HEATR5A: variants seen among roughly 807,000 people sequenced by gnomAD.
HEATR5A encodes HEAT repeat containing 5A.
In HEATR5A, 178 loss-of-function variants were observed where a neutral mutation model predicts 218.8. The observed-to-expected ratio is 0.81, with a 90% CI of 0.72 to 0.92. HEATR5A has a LOEUF of 0.92. Among genes scored for constraint, HEATR5A ranks in the 40% least tolerant of loss-of-function variants. The pLI, the probability that HEATR5A is intolerant of heterozygous loss-of-function variation, is 0.00. For missense variants in HEATR5A, 2,420 were observed against 2,418.9 expected, an observed-to-expected ratio of 1.00 and a Z score of -0.01; for synonymous variants, 864 against 871.6, an observed-to-expected ratio of 0.99 and a Z score of 0.15.
chr14:31,388,467 G>A (rs2030321333), intron 7 of HEATR5A, among the ~76,000 whole-genome samples: 1 of 152,120 alleles, frequency 6.6e-6, no homozygotes, highest in Admixed American at 6.6e-5. Context: ...CACATAAAAT[G>A]TTTATTTCAC....
At chr14:31,404,731 T>C (rs941474061) in intron 1 of HEATR5A, among the ~76,000 whole-genome samples, 3 of 151,458 alleles carry the variant, frequency 2.0e-5, no homozygotes, top group Non-Finnish European at 4.4e-5. Context: ...CTGGGTAACA[T>C]AGACGGACTT....
rs1954941166 is a variant in HEATR5A at position 31,315,666 on chromosome 14, A to G, written c.4218+104T>C. 12 of 785,262 alleles carry G rather than the reference A, an allele frequency of 1.5e-5. 1 individual carries two copies. The highest frequency in any genetic ancestry group is 2.0e-6 in the Non-Finnish European group (1 of 510,220). The allele number at this position is 785,262 out of a possible 1,614,324, so 48.6% of individuals were successfully genotyped here. A position where few individuals can be genotyped will look rare whatever the true frequency, so the allele number is the denominator to read the frequency against. On this transcript the variant is annotated intron_variant, in intron 27 of 35. Transcript: ENST00000543095. The stretch of plus-strand genomic sequence containing the variant: ...GAATTCTTTTTGTTTAACCTTAAAA[A>G]TGAACTTATTTGTAGTTCATTTTAA...
chr14:31,391,004 A>C (rs1028511566), intron 6 of HEATR5A, among the ~76,000 whole-genome samples: 1 of 152,160 alleles, frequency 6.6e-6, no homozygotes, highest in Non-Finnish European at 1.5e-5. Flanking sequence ...AAAGACAGTG[A>C]GATTGATGGT....
chr14:31,293,160 TGTTA>T lies in HEATR5A; in HGVS notation c.*141_*144del. Reference sequence around the variant, plus strand: ...ACACACACAAAAATGTTAAGTATGCTGTTACTTTGAAGAGTCACAGCTATTTAAG... The same window carrying T: ...ACACACACAAAAATGTTAAGTATGCTCTTTGAAGAGTCACAGCTATTTAAG... On this transcript the variant is annotated 3_prime_UTR_variant, in exon 36 of 36. Coordinates refer to ENST00000543095, the MANE Select transcript of HEATR5A (RefSeq NM_015473.4). 1.7e-6 allele frequency: 1 copy of T among 573,484 alleles called. No homozygotes were observed. The highest frequency in any genetic ancestry group is 3.0e-6 in the Non-Finnish European group (1 of 336,004). 35.5% of individuals were successfully genotyped at this position (573,484 alleles called of 1,614,324 possible).
At chr14:31,336,033 T>C (rs1273017492) in intron 22 of HEATR5A, among the ~76,000 whole-genome samples, 1 of 149,362 alleles carries the variant, frequency 6.7e-6, no homozygotes, top group East Asian at 2.0e-4. Flanking sequence ...TATTATGCAG[T>C]GCATAATAAC....
Position 31,296,036 on chromosome 14 carries a change from T to C in HEATR5A, c.5492A>G (p.Glu1831Gly). The C allele has an allele frequency of 6.2e-7, 1 of 1,613,552 alleles. No individual in the cohort carries two copies. The highest frequency in any genetic ancestry group is 8.5e-7 in the Non-Finnish European group (1 of 1,179,596). ...TGTGATAGCAGTAAGTAGACTGACT[T>C]CATCAAGTTCTTGGTGTGTTTCATC... is the stretch of plus-strand genomic sequence containing the variant. ...PVDETHQELD[E>G]VSLLTAITVF... Residue 1831 changes from glutamate (E) to glycine (G), a missense_variant, in exon 34 of 36, where the codon GAA (glutamate) becomes GGA (glycine). Transcript: ENST00000543095.
Position 31,320,761 on chromosome 14 carries a change from T to C in HEATR5A, c.3969+738A>G, listed in dbSNP as rs187615343. Reference sequence around the variant, plus strand: ...TTTTCTTTAACAGGGCCATTTTTTTTCCCCCTCTCTGGAGATGGAGGTCTC... The same window carrying C: ...TTTTCTTTAACAGGGCCATTTTTTTCCCCCCTCTCTGGAGATGGAGGTCTC... On this transcript the variant is annotated intron_variant, in intron 25 of 35. Transcript: ENST00000543095. The C allele has an allele frequency of 2.8e-4, 96 of 338,272 alleles. No individual in the cohort carries two copies. The East Asian group carries it at 5.7e-3, about 20-fold the overall frequency. 21.0% of individuals were successfully genotyped at this position (338,272 alleles called of 1,614,324 possible).
intron 21 of HEATR5A, among the ~76,000 whole-genome samples, chr14:31,342,309 G>A (rs75896491): frequency 0.056 from 8,513 of 152,184 alleles, 719 homozygotes; most frequent in African/African-American, 0.18. Flanking sequence ...GATCACTTGA[G>A]CCCAGGAGTT....
At chr14:31,301,460 A>G (rs964883047) in intron 33 of HEATR5A, among the ~76,000 whole-genome samples, 4 of 152,114 alleles carry the variant, frequency 2.6e-5, no homozygotes, top group African/African-American at 4.8e-5. Flanking sequence ...AATACTGGCT[A>G]TCATTTATTG....
At chr14:31,318,145 A>G in intron 26 of HEATR5A, 79 bp downstream of exon 26, 1 of 1,238,044 alleles carries the variant, frequency 8.1e-7, no homozygotes, top group Non-Finnish European at 1.2e-6. Flanking sequence ...ACCATAAAGA[A>G]AAAACATTGG....
chr14:31,308,565 G>A (rs1270534403), intron 29 of HEATR5A, among the ~76,000 whole-genome samples: 1 of 149,336 alleles, frequency 6.7e-6, no homozygotes, highest in South Asian at 2.1e-4. Flanking sequence ...TAGTTGCTAT[G>A]AAACAGTTCA....
At chr14:31,300,128 C>T (rs1429657437) in intron 33 of HEATR5A, among the ~76,000 whole-genome samples, 1 of 152,060 alleles carries the variant, frequency 6.6e-6, no homozygotes, top group Non-Finnish European at 1.5e-5. Context: ...GCCCCATGTA[C>T]CATCCAACTT....
chr14:31,334,284 T>C, intron 22 of HEATR5A: 1 of 386,782 alleles, frequency 2.6e-6, no homozygotes, highest in Non-Finnish European at 5.2e-6. Context: ...ATTCGCAGAT[T>C]AAGGAGTCAT....
At position 31,338,021 on chromosome 14, in the gene HEATR5A, T is replaced by C. The variant is rs571613039; in HGVS notation, c.3229-407A>G. Among the ~76,000 whole-genome samples the C allele has an allele frequency of 1.1e-3, 167 of 152,292 alleles. No individual in the cohort carries two copies. The Middle Eastern group carries it at 0.014, about 12-fold the overall frequency. On this transcript the variant is annotated intron_variant, in intron 21 of 35. Transcript: ENST00000543095. ...CTAAGCAGAAATTTATACACATCCA[T>C]ATAGGCAATACAGCATATTGGTTAA...
At chr14:31,334,037 C>CAAAAAAAAAAAAAAAAAAAAAA (rs58087742) in intron 22 of HEATR5A, among the ~76,000 whole-genome samples, 1 of 87,920 alleles carries the variant, frequency 1.1e-5, no homozygotes. Context: ...GACCCTGTCT[C>CAAAAAAAAAAAAAAAAAAAAAA]AAAAAAAAAA....
At position 31,316,786 on chromosome 14, in the gene HEATR5A, A is replaced by G. The variant is rs1164044944; in HGVS notation, c.4039-837T>C. 2.0e-5 allele frequency among the ~76,000 whole-genome samples: 3 copies of G among 152,168 alleles called. No individual in the cohort carries two copies. The South Asian group carries it at 6.2e-4, about 32-fold the overall frequency. ...CAGCTCATGTAGCCTTGACCTCCACAGGGGGATCCTCCCACCTCAGCCTCC... is the reference window on the plus strand; with the variant it reads ...CAGCTCATGTAGCCTTGACCTCCACGGGGGGATCCTCCCACCTCAGCCTCC... On this transcript the variant is annotated intron_variant, in intron 26 of 35. Transcript: ENST00000543095.
At position 31,362,949 on chromosome 14, in the gene HEATR5A, T is replaced by C. The variant is rs1595138669; in HGVS notation, c.2071+1240A>G. ...TAGAACTTTAGGAGGCCAAGGAGGG[T>C]GAATCACCTGAGGTCAGGAGTTCAC... On this transcript the variant is annotated intron_variant, in intron 14 of 35. Coordinates refer to ENST00000543095, the MANE Select transcript of HEATR5A (RefSeq NM_015473.4). 2.0e-5 allele frequency among the ~76,000 whole-genome samples: 3 copies of C among 151,156 alleles called. No homozygotes were observed. The East Asian group carries it at 5.8e-4, about 29-fold the overall frequency.
intron 4 of HEATR5A, among the ~76,000 whole-genome samples, chr14:31,397,203 T>G (rs1447178846): frequency 6.6e-6 from 1 of 152,176 alleles, no homozygotes; most frequent in Non-Finnish European, 1.5e-5. Context: ...AATTTTCCCA[T>G]GTTTTGCCTT....
intron 33 of HEATR5A, among the ~76,000 whole-genome samples, chr14:31,301,069 T>C (rs1369584076): frequency 2.6e-5 from 4 of 152,190 alleles, no homozygotes; most frequent in Middle Eastern, 3.2e-3. Context: ...GGGTGGTCAA[T>C]AAATGCTGAC....
Sources: gnomAD v4.1 joint callset for allele counts (sites outside exome capture counted in the v4.1 genomes callset) on GRCh38, gnomAD v4.1.1 for gene constraint, MANE v1.5 for transcripts, NCBI Gene and HGNC (gene_info 2026-07-23, HGNC 2026-07-21) for gene names.